WDR89: variants seen among roughly 807,000 people sequenced by gnomAD.
WDR89 encodes the protein WD repeat domain 89.
WDR89 carries 17 observed loss-of-function variants against 29.1 expected under a neutral mutation model. The observed-to-expected ratio is 0.58, with a 90% confidence interval of 0.40 to 0.88. The LOEUF (loss-of-function observed/expected upper bound fraction) is 0.88, where lower values mean the gene tolerates loss of function less well. Ranked by LOEUF, WDR89 falls within the 40% of genes least tolerant of loss-of-function variation. The pLI is 0.00. For synonymous variants in WDR89, 138 were observed against 157.8 expected, an observed-to-expected ratio of 0.87 and a Z score of 0.94; for missense variants, 396 against 456.3, an observed-to-expected ratio of 0.87 and a Z score of 1.20.
chr14:63,638,233 C>T (rs774266557), intron 1 of WDR89, among the ~76,000 whole-genome samples: 1 of 152,170 alleles, frequency 6.6e-6, no homozygotes, highest in Non-Finnish European at 1.5e-5. Context: ...GCATGAGCCA[C>T]CGTTCTTGGC....
chr14:63,631,534 TAAAAA>T (rs896031330), intron 1 of WDR89, among the ~76,000 whole-genome samples: 1 of 149,024 alleles, frequency 6.7e-6, no homozygotes. Flanking sequence ...CCTGGCCAAT[TAAAAA>T]AAAAAATTTT....
chr14:63,598,981 G>A lies in WDR89; in HGVS notation c.962C>T (p.Ala321Val), dbSNP rs141157376. ...THVTSLQGGH[A>V]ATVRSFCWNV... ...CCAACAGAAAGAACGGACTGTAGCA[G>A]CATGCCCTCCCTGAAGGCTAGTCAC... The change falls in exon 3 of 3, where the codon GCT becomes GTT. Residue 321 changes from alanine to valine, a missense_variant. Coordinates refer to ENST00000620954, the MANE Select transcript of WDR89 (RefSeq NM_080666.4). 617 of 1,614,178 alleles carry A rather than the reference G, an allele frequency of 3.8e-4. No individual in the cohort carries two copies. Among genetic ancestry groups the A allele is most frequent in the Non-Finnish European group, 4.2e-4 (493 of 1,180,018 alleles).
At chr14:63,634,028 T>G (rs933596656) in intron 1 of WDR89, among the ~76,000 whole-genome samples, 1 of 152,196 alleles carries the variant, frequency 6.6e-6, no homozygotes, top group African/African-American at 2.4e-5. Flanking sequence ...TTACGAGAAC[T>G]GTAAAAAATC....
chr14:63,614,311 C>CTT lies in WDR89; in HGVS notation c.-32+10615_-32+10616dup, dbSNP rs113657972. On this transcript the variant is annotated intron_variant, in intron 2 of 2. Transcript: ENST00000620954. The stretch of plus-strand genomic sequence containing the variant: ...GGCATATCCTTTCTTTTCTTTTTTT[C>CTT]TTTTTTTTTTTTTTGAGACAGGGTC... Among the ~76,000 whole-genome samples, 617 of 141,924 alleles carry CTT rather than the reference C, an allele frequency of 4.3e-3. 5 individuals carry two copies. The highest frequency in any genetic ancestry group is 0.015 in the African/African-American group (588 of 38,868). The allele number at this position is 141,924 out of a possible 152,430, so 93.1% of individuals were successfully genotyped here. A position where few individuals can be genotyped will look rare whatever the true frequency, so the allele number is the denominator to read the frequency against.
At chr14:63,626,712 T>C (rs1245173062) in intron 1 of WDR89, among the ~76,000 whole-genome samples, 2 of 87,372 alleles carry the variant, frequency 2.3e-5, no homozygotes, top group African/African-American at 8.3e-5. Context: ...AAAAAAAAAG[T>C]TCCGTCTTAC....
chr14:63,636,946 A>C (rs1174610094), intron 1 of WDR89, among the ~76,000 whole-genome samples: 1 of 152,244 alleles, frequency 6.6e-6, no homozygotes, highest in East Asian at 1.9e-4. Flanking sequence ...GCTTTTGCAC[A>C]GCAAAAGGAA....
intron 1 of WDR89, among the ~76,000 whole-genome samples, chr14:63,628,793 C>T (rs1432311841): frequency 6.6e-6 from 1 of 151,944 alleles, no homozygotes; most frequent in Non-Finnish European, 1.5e-5. Flanking sequence ...AAACCCTATC[C>T]CTATCAAAAG....
Position 63,598,354 on chromosome 14 carries a change from T to C in WDR89, c.*425A>G, listed in dbSNP as rs1165887083. ...TAATACATTAGGTGTATTAAACATA[T>C]AGATGCTCCTCAGATGAAGAATATA... On this transcript the variant is annotated 3_prime_UTR_variant, in exon 3 of 3. Coordinates refer to ENST00000620954, the MANE Select transcript of WDR89 (RefSeq NM_080666.4). The C allele has an allele frequency of 6.5e-6, 1 of 154,454 alleles. No homozygotes were observed. The highest frequency in any genetic ancestry group is 2.4e-5 in the African/African-American group (1 of 41,540). 9.6% of individuals were successfully genotyped at this position (154,454 alleles called of 1,614,324 possible).
intron 2 of WDR89, among the ~76,000 whole-genome samples, chr14:63,606,204 T>TC (rs1321516981): frequency 6.6e-6 from 1 of 152,110 alleles, no homozygotes; most frequent in Non-Finnish European, 1.5e-5. Context: ...TGCCTCAGCC[T>TC]CCCAAAGTGG....
At position 63,641,846 on chromosome 14, in the gene WDR89, G is replaced by T. The variant is rs1197512792; in HGVS notation, c.-180C>A. ...GTACCGGAGAAAACGCAGGCTGCGC[G>T]GCGGCTTAGAGCGGTCAAGTGGAAC... On this transcript the variant is annotated 5_prime_UTR_variant, in exon 1 of 3. Transcript: ENST00000620954. 1 of 152,358 alleles carries T rather than the reference G, an allele frequency of 6.6e-6. No individual in the cohort carries two copies. Among genetic ancestry groups the T allele is most frequent in the Non-Finnish European group, 1.5e-5 (1 of 68,140 alleles). The allele number at this position is 152,358 out of a possible 1,614,324, so 9.4% of individuals were successfully genotyped here.
chr14:63,609,817 TAAAAC>T (rs1361734605), intron 2 of WDR89, among the ~76,000 whole-genome samples: 3 of 151,590 alleles, frequency 2.0e-5, no homozygotes, highest in South Asian at 2.1e-4. Context: ...TAAAATAAAA[TAAAAC>T]AAAACCAAAA....
chr14:63,614,272 C>T (rs1197482549), intron 2 of WDR89, among the ~76,000 whole-genome samples: 1 of 151,526 alleles, frequency 6.6e-6, no homozygotes, highest in Non-Finnish European at 1.5e-5. Context: ...ATTCAAGTAG[C>T]TTAATATTTA....
At chr14:63,623,703 C>CAAAAAAAAAA (rs34839479) in intron 2 of WDR89, among the ~76,000 whole-genome samples, 1 of 39,068 alleles carries the variant, frequency 2.6e-5, no homozygotes, top group Non-Finnish European at 4.9e-5. Flanking sequence ...GACTCTGTCT[C>CAAAAAAAAAA]AAAAAAAAAA....
chr14:63,602,038 G>A (rs570623688), intron 2 of WDR89, among the ~76,000 whole-genome samples: 2 of 152,064 alleles, frequency 1.3e-5, no homozygotes, highest in Admixed American at 6.6e-5. Context: ...TGTTTTTTCT[G>A]TTGCTTTAGT....
At chr14:63,633,696 G>A (rs944459338) in intron 1 of WDR89, among the ~76,000 whole-genome samples, 1 of 152,060 alleles carries the variant, frequency 6.6e-6, no homozygotes, top group African/African-American at 2.4e-5. Flanking sequence ...TTATAATGAG[G>A]GAAGATCAGA....
At chr14:63,611,021 A>G (rs554242241) in intron 2 of WDR89, among the ~76,000 whole-genome samples, 1 of 151,968 alleles carries the variant, frequency 6.6e-6, no homozygotes, top group South Asian at 2.1e-4. Context: ...TATTCTACAA[A>G]TACTTGGCCA....
At chr14:63,610,702 C>CTTTTCT (rs1335158727) in intron 2 of WDR89, among the ~76,000 whole-genome samples, 20 of 129,146 alleles carry the variant, frequency 1.5e-4, no homozygotes, top group Non-Finnish European at 2.3e-4. Context: ...CTTTTCTTTT[C>CTTTTCT]TTTTTTTTTT....
At chr14:63,628,721 T>C (rs1883219849) in intron 1 of WDR89, among the ~76,000 whole-genome samples, 1 of 152,170 alleles carries the variant, frequency 6.6e-6, no homozygotes, top group East Asian at 1.9e-4. Context: ...CCCAACACTT[T>C]GGGAGGCCAA....
Position 63,598,644 on chromosome 14 carries a change from T to G in WDR89, c.*135A>C, listed in dbSNP as rs752196312. The stretch of plus-strand genomic sequence containing the variant: ...TGTGAAGACCGGAATTAAACCATTC[T>G]CACCATATTTTTCCAGGACTGTTTG... On this transcript the variant is annotated 3_prime_UTR_variant, in exon 3 of 3. Transcript: ENST00000620954. 1.3e-5 allele frequency: 10 copies of G among 743,568 alleles called. No individual in the cohort carries two copies. Among genetic ancestry groups the G allele is most frequent in the Non-Finnish European group, 1.6e-5 (8 of 512,054 alleles). The allele number at this position is 743,568 out of a possible 1,614,324, so 46.1% of individuals were successfully genotyped here.
Sources: gnomAD v4.1 joint callset for allele counts (sites outside exome capture counted in the v4.1 genomes callset) on GRCh38, gnomAD v4.1.1 for gene constraint, MANE v1.5 for transcripts, NCBI Gene and HGNC (gene_info 2026-07-23, HGNC 2026-07-21) for gene names.